TRAPPC9: variants seen among roughly 807,000 people sequenced by gnomAD.
The protein encoded by TRAPPC9 is IKK2 binding protein.
In TRAPPC9, 83 loss-of-function variants were observed where a neutral mutation model predicts 124.0. That is an observed-to-expected ratio of 0.67 (90% CI 0.56 to 0.80). TRAPPC9 has a LOEUF of 0.80. Ranked by LOEUF, TRAPPC9 falls within the 30% of genes least tolerant of loss-of-function variation. The pLI is 0.00. For synonymous variants in TRAPPC9, 638 were observed against 617.5 expected, an observed-to-expected ratio of 1.03 and a Z score of -0.49; for missense variants, 1,302 against 1,508.3, an observed-to-expected ratio of 0.86 and a Z score of 2.27.
chr8:139,918,921 T>C (rs1563921732), intron 19 of TRAPPC9, among the ~76,000 whole-genome samples: 1 of 152,154 alleles, frequency 6.6e-6, no homozygotes, highest in Non-Finnish European at 1.5e-5. Flanking sequence ...AAGCAGTTTT[T>C]CCATCTTAAC....
At chr8:140,225,600 T>C (rs551713612) in intron 16 of TRAPPC9, among the ~76,000 whole-genome samples, 140 of 152,332 alleles carry the variant, frequency 9.2e-4, no homozygotes, top group African/African-American at 3.2e-3. Flanking sequence ...AACAGAGCCA[T>C]GTGCAAAACG....
chr8:140,009,103 G>A (rs773043030), intron 18 of TRAPPC9, among the ~76,000 whole-genome samples: 1 of 152,164 alleles, frequency 6.6e-6, no homozygotes, highest in Non-Finnish European at 1.5e-5. Flanking sequence ...GGCTTTAGAA[G>A]CATAATGGAA....
rs1407544633 is a variant in TRAPPC9 at position 139,825,973 on chromosome 8, C to A, written c.3055+59906G>T. The stretch of plus-strand genomic sequence containing the variant: ...AACAGGCCATGATGAGGATGTGCAA[C>A]AGCAGGGGAGCTCCAGGGCCCCTGT... On this transcript the variant is annotated intron_variant, in intron 21 of 22. Transcript: ENST00000438773. This position sits in a 1 kb window ranked among gnomAD's most constrained non-coding sequence, Gnocchi z 4.6. 6.6e-6 allele frequency among the ~76,000 whole-genome samples: 1 copy of A among 152,188 alleles called. No homozygotes were observed. The highest frequency in any genetic ancestry group is 2.4e-5 in the African/African-American group (1 of 41,442).
chr8:140,214,660 G>T (rs775031272), intron 17 of TRAPPC9, among the ~76,000 whole-genome samples: 2 of 152,176 alleles, frequency 1.3e-5, no homozygotes, highest in Non-Finnish European at 2.9e-5. Flanking sequence ...AGAAAAGCTG[G>T]ACTGTCTTGC....
chr8:139,843,769 G>A (rs1323989323), intron 21 of TRAPPC9, among the ~76,000 whole-genome samples: 1 of 152,216 alleles, frequency 6.6e-6, no homozygotes. Flanking sequence ...AGGGCCTCCA[G>A]AAGGAATGAG....
At chr8:139,897,414 A>G (rs549614345) in intron 20 of TRAPPC9, among the ~76,000 whole-genome samples, 1 of 152,182 alleles carries the variant, frequency 6.6e-6, no homozygotes, top group African/African-American at 2.4e-5. Flanking sequence ...TCCCCGTGGG[A>G]AAATATTATT....
intron 19 of TRAPPC9, among the ~76,000 whole-genome samples, chr8:139,988,451 C>G (rs1054758101): frequency 3.3e-5 from 5 of 152,102 alleles, no homozygotes; most frequent in Non-Finnish European, 7.4e-5. Context: ...AGCAAAGATG[C>G]CCGGATGCTG....
rs1357856591 is a variant in TRAPPC9, at chr8:139,729,863, C to G, written c.*1198G>C. 1.3e-5 allele frequency among the ~76,000 whole-genome samples: 2 copies of G among 152,190 alleles called. No individual in the cohort carries two copies. Among genetic ancestry groups the G allele is most frequent in the Non-Finnish European group, 2.9e-5 (2 of 68,022 alleles). On this transcript the variant is annotated 3_prime_UTR_variant, in exon 23 of 23. Transcript: ENST00000438773. ...GTCCCCCAATACTCCATGGGAGTTTCAGTGCCCAACGGGCACCTGACGAGC... is the reference window on the plus strand; with the variant it reads ...GTCCCCCAATACTCCATGGGAGTTTGAGTGCCCAACGGGCACCTGACGAGC...
chr8:140,180,014 T>TTTTTTTG (rs35082657), intron 17 of TRAPPC9, among the ~76,000 whole-genome samples: 1 of 114,480 alleles, frequency 8.7e-6, no homozygotes, highest in Non-Finnish European at 1.8e-5. Context: ...TTTTTTTTTT[T>TTTTTTTG]GGCCAGTATG....
At position 140,152,933 on chromosome 8, in the gene TRAPPC9, T is replaced by C. The variant is rs78924212; in HGVS notation, c.2556+68526A>G. 4.6e-5 allele frequency among the ~76,000 whole-genome samples: 7 copies of C among 152,262 alleles called. No homozygotes were observed. In the East Asian group the frequency reaches 1.4e-3, roughly 29 times the overall value. Reference sequence around the variant, plus strand: ...CAATGTTGAATCTAAGTGGCAGGAGTGGACATTCCTATCTTATTCCTAATT... The same window carrying C: ...CAATGTTGAATCTAAGTGGCAGGAGCGGACATTCCTATCTTATTCCTAATT... On this transcript the variant is annotated intron_variant, in intron 17 of 22. Transcript: ENST00000438773.
At chr8:140,225,916 C>T (rs888842793) in intron 16 of TRAPPC9, among the ~76,000 whole-genome samples, 1 of 152,226 alleles carries the variant, frequency 6.6e-6, no homozygotes, top group Admixed American at 6.5e-5. Flanking sequence ...CTGAAGGACC[C>T]AGATTCTTTT....
At chr8:139,976,160 GGATTACAGGCGT>G (rs573998071) in intron 19 of TRAPPC9, among the ~76,000 whole-genome samples, 159 of 152,046 alleles carry the variant, frequency 1.0e-3, no homozygotes, top group Non-Finnish European at 1.7e-3. Context: ...CAAAGTGCTG[GGATTACAGGCGT>G]GAGCCACCGC....
At position 139,776,981 on chromosome 8, in the gene TRAPPC9, T is replaced by G. The variant is rs1821436192; in HGVS notation, c.3056-44779A>C. On this transcript the variant is annotated intron_variant, in intron 21 of 22. Coordinates refer to ENST00000438773, the MANE Select transcript of TRAPPC9 (RefSeq NM_001160372.4). This position sits in a 1 kb window ranked among gnomAD's most constrained non-coding sequence, Gnocchi z 4.1. ...CTTGCCTGTAACCCCTGCAGAGTCA[T>G]TCTTGAACTAGCCCCAAACACTGAG... 6.6e-6 allele frequency among the ~76,000 whole-genome samples: 1 copy of G among 152,132 alleles called. No homozygotes were observed. Among genetic ancestry groups the G allele is most frequent in the Admixed American group, 6.5e-5 (1 of 15,280 alleles).
At chr8:140,335,944 G>A (rs946108011) in intron 9 of TRAPPC9, among the ~76,000 whole-genome samples, 2 of 152,078 alleles carry the variant, frequency 1.3e-5, no homozygotes, top group Non-Finnish European at 2.9e-5. Context: ...CTGACCTCAA[G>A]TGGTAGGCCC....
At chr8:139,879,224 G>T (rs1249182461) in intron 21 of TRAPPC9, among the ~76,000 whole-genome samples, 5 of 152,198 alleles carry the variant, frequency 3.3e-5, no homozygotes, top group Non-Finnish European at 5.9e-5. Context: ...ATGGGGGGTG[G>T]GGCGCAGGGA....
intron 7 of TRAPPC9, among the ~76,000 whole-genome samples, chr8:140,386,828 T>C (rs1435142605): frequency 3.3e-5 from 5 of 152,280 alleles, no homozygotes; most frequent in Middle Eastern, 3.4e-3. Context: ...CTAAAGTTCA[T>C]ATGGAACCAA....
At chr8:140,093,295 CCTAGTCT>C (rs903582456) in intron 17 of TRAPPC9, among the ~76,000 whole-genome samples, 3 of 152,142 alleles carry the variant, frequency 2.0e-5, no homozygotes, top group African/African-American at 4.8e-5. Context: ...GTGTTCCTTG[CCTAGTCT>C]TGGGAATAGT....
intron 17 of TRAPPC9, among the ~76,000 whole-genome samples, chr8:140,059,598 C>T (rs1842479107): frequency 6.6e-6 from 1 of 152,212 alleles, no homozygotes; most frequent in Non-Finnish European, 1.5e-5. Flanking sequence ...CTATCATACG[C>T]CACTGGTCTT....
At chr8:140,448,283 G>C (rs1165943726) in intron 2 of TRAPPC9, among the ~76,000 whole-genome samples, 1 of 152,140 alleles carries the variant, frequency 6.6e-6, no homozygotes, top group African/African-American at 2.4e-5. Flanking sequence ...GCTAACTGAT[G>C]TCTAATTGCG....
Sources: allele counts gnomAD v4.1 joint callset (sites outside exome capture counted in the v4.1 genomes callset), GRCh38; gene constraint gnomAD v4.1.1; non-coding constraint Gnocchi (gnomAD v3.1); transcripts MANE v1.5; gene names NCBI Gene and HGNC (gene_info 2026-07-23, HGNC 2026-07-21).